Variants in HS6ST2 observed in about 807,000 individuals in gnomAD.
HS6ST2 encodes the protein heparan-sulfate 6-O-sulfotransferase 2.
Under a neutral mutation model 33.0 loss-of-function variants are expected in HS6ST2, and 17 were observed. The ratio of observed to expected loss-of-function variants is 0.52; its 90% CI spans 0.35 to 0.77. The LOEUF (loss-of-function observed/expected upper bound fraction) is 0.77. Ranked by LOEUF, HS6ST2 falls within the 30% of genes least tolerant of loss-of-function variation. HS6ST2 has a pLI of 0.01. For missense variants in HS6ST2, 519 were observed against 551.7 expected, an observed-to-expected ratio of 0.94 and a Z score of 0.59; for synonymous variants, 248 against 237.1, an observed-to-expected ratio of 1.05 and a Z score of -0.42.
chrX:132,883,013 C>A (rs1185627086), intron 2 of HS6ST2, among the ~76,000 whole-genome samples: 1 of 111,211 alleles, frequency 9.0e-6, no homozygotes, highest in Non-Finnish European at 1.9e-5. Context: ...TGATGTGCTG[C>A]TGGATTCGGT....
At chrX:132,820,206 GTTTT>G (rs35273822) in intron 2 of HS6ST2, among the ~76,000 whole-genome samples, 1 of 106,796 alleles carries the variant, frequency 9.4e-6, no homozygotes, top group Non-Finnish European at 1.9e-5. Context: ...ATGCCAGACA[GTTTT>G]TTTTTTAAGA....
At chrX:132,868,730 G>A (rs189518979) in intron 2 of HS6ST2, among the ~76,000 whole-genome samples, 3 of 111,439 alleles carry the variant, frequency 2.7e-5, no homozygotes, top group Non-Finnish European at 3.8e-5. Flanking sequence ...CTTTGAAACC[G>A]ACGAGAACAA....
intron 2 of HS6ST2, among the ~76,000 whole-genome samples, chrX:132,717,058 G>A (rs1234690462): frequency 8.9e-6 from 1 of 112,982 alleles, no homozygotes; most frequent in Non-Finnish European, 1.9e-5. Flanking sequence ...AACAAGTAAT[G>A]ATTTGGCTAG....
intron 3 of HS6ST2, among the ~76,000 whole-genome samples, chrX:132,700,379 A>G (rs1378895341): frequency 9.0e-6 from 1 of 110,991 alleles, no homozygotes; most frequent in Non-Finnish European, 1.9e-5. Flanking sequence ...ATGGTAGCAC[A>G]GTGACCGTCA....
At chrX:132,934,334 T>G (rs1182944554) in intron 2 of HS6ST2, among the ~76,000 whole-genome samples, 1 of 111,884 alleles carries the variant, frequency 8.9e-6, no homozygotes, top group Non-Finnish European at 1.9e-5. Flanking sequence ...AGGTGGTTTA[T>G]AAGAAACTCA....
At chrX:132,715,236 A>T (rs747387125) in intron 2 of HS6ST2, among the ~76,000 whole-genome samples, 1 of 110,982 alleles carries the variant, frequency 9.0e-6, no homozygotes, top group Non-Finnish European at 1.9e-5. Context: ...GGAGTTCAAG[A>T]CCAACCTGGA....
chrX:132,883,726 C>A (rs748436343), intron 2 of HS6ST2, among the ~76,000 whole-genome samples: 1 of 111,013 alleles, frequency 9.0e-6, no homozygotes, highest in South Asian at 3.8e-4. Context: ...ACTCTGTGGC[C>A]ATAAAAGGAG....
chrX:132,673,761 G>A (rs1341526704), intron 3 of HS6ST2, among the ~76,000 whole-genome samples: 2 of 110,937 alleles, frequency 1.8e-5, no homozygotes, highest in Non-Finnish European at 3.8e-5. Flanking sequence ...CCCAACAGGT[G>A]CTTCAGGCCC....
intron 2 of HS6ST2, among the ~76,000 whole-genome samples, chrX:132,716,260 C>T (rs905602106): frequency 8.1e-5 from 9 of 111,798 alleles, no homozygotes; most frequent in African/African-American, 2.3e-4. Context: ...TTCTTGTTTC[C>T]GTGGAAAACG....
intron 2 of HS6ST2, among the ~76,000 whole-genome samples, chrX:132,710,039 T>C (rs970924589): frequency 9.0e-6 from 1 of 111,716 alleles, no homozygotes; most frequent in Non-Finnish European, 1.9e-5. Context: ...ATCACTATTA[T>C]TGTCTCTTGA....
intron 2 of HS6ST2, among the ~76,000 whole-genome samples, chrX:132,719,285 C>G (rs1482525282): frequency 8.9e-6 from 1 of 112,149 alleles, no homozygotes; most frequent in South Asian, 3.8e-4. Context: ...GTCACACAGT[C>G]ATAACAGGGT....
chrX:132,851,890 C>T (rs972146715), intron 2 of HS6ST2, among the ~76,000 whole-genome samples: 1 of 111,658 alleles, frequency 9.0e-6, no homozygotes, highest in Non-Finnish European at 1.9e-5. Flanking sequence ...CCCATTATCC[C>T]AGCACTTTGG....
In HS6ST2 at chrX:132,782,415, AAAG is replaced by A. The variant is rs748690934; in HGVS notation, c.948-73924_948-73922del. 5.0e-4 allele frequency among the ~76,000 whole-genome samples: 56 copies of A among 112,035 alleles called. No homozygotes were observed. In the South Asian group the frequency reaches 0.015, roughly 30 times the overall value. On this transcript the variant is annotated intron_variant, in intron 2 of 4. Coordinates refer to ENST00000370833, the MANE Select transcript of HS6ST2 (RefSeq NM_001394073.1). ...AGGCTCTTGAAAAGAATCCTCACTT[AAAG>A]AAGGAGTCTTGGGCGTAGAGAAGAG...
chrX:132,875,391 G>C (rs770321909), intron 2 of HS6ST2, among the ~76,000 whole-genome samples: 12 of 111,600 alleles, frequency 1.1e-4, no homozygotes, highest in South Asian at 7.7e-4. Context: ...TGGAGATGGA[G>C]CTTTGGTATC....
intron 2 of HS6ST2, among the ~76,000 whole-genome samples, chrX:132,956,528 G>C (rs1463194513): frequency 8.9e-6 from 1 of 112,250 alleles, no homozygotes; most frequent in Non-Finnish European, 1.9e-5. Flanking sequence ...CAGCGGCCCC[G>C]TTCCGGCCGC....
At chrX:132,706,443 T>C (rs984745624) in intron 3 of HS6ST2, among the ~76,000 whole-genome samples, 3 of 112,218 alleles carry the variant, frequency 2.7e-5, no homozygotes, top group Admixed American at 9.5e-5. Context: ...AATAATTTGC[T>C]TACAGTCAAC....
intron 3 of HS6ST2, among the ~76,000 whole-genome samples, chrX:132,681,828 AC>A (rs2063973951): frequency 9.0e-6 from 1 of 111,555 alleles, no homozygotes; most frequent in South Asian, 3.8e-4. Flanking sequence ...AAGTCTTTAA[AC>A]CTATACAAAC....
intron 2 of HS6ST2, among the ~76,000 whole-genome samples, chrX:132,808,079 T>C (rs947499741): frequency 8.9e-6 from 1 of 111,953 alleles, no homozygotes; most frequent in African/African-American, 3.2e-5. Flanking sequence ...GTGGAGCTGC[T>C]GAGAAAATGG....
intron 2 of HS6ST2, among the ~76,000 whole-genome samples, chrX:132,855,698 G>A (rs2148412083): frequency 8.9e-6 from 1 of 112,099 alleles, no homozygotes; most frequent in South Asian, 3.8e-4. Context: ...GTTGGACTGT[G>A]TTTAATCCTC....
Sources: gnomAD v4.1 joint callset for allele counts (sites outside exome capture counted in the v4.1 genomes callset) on GRCh38, gnomAD v4.1.1 for gene constraint, MANE v1.5 for transcripts, NCBI Gene and HGNC (gene_info 2026-07-23, HGNC 2026-07-21) for gene names.